The following EIF5 variants were observed in gnomAD, a reference collection of about 807,000 sequenced individuals.
EIF5 encodes eukaryotic translation initiation factor 5.
EIF5 carries 10 observed loss-of-function variants against 48.3 expected under a neutral mutation model. That is an observed-to-expected ratio of 0.21 (90% CI 0.13 to 0.35). EIF5 has a LOEUF of 0.35. Ranked by LOEUF, EIF5 falls within the 10% of genes least tolerant of loss-of-function variation. EIF5 has a pLI of 1.00. For synonymous variants in EIF5, 237 were observed against 173.1 expected (o/e 1.37, Z -2.90); for missense variants, 397 against 533.2 (o/e 0.74, Z 2.51).
Position 103,344,806 on chromosome 14 carries a change from A to C in EIF5, c.*3754A>C, listed in dbSNP as rs2089395338. 1 of 152,232 alleles carries C rather than the reference A, an allele frequency of 6.6e-6. No homozygotes were observed. The highest frequency in any genetic ancestry group is 2.1e-4 in the South Asian group (1 of 4,828). The allele number at this position is 152,232 out of a possible 1,614,324, so 9.4% of individuals were successfully genotyped here. A position where few individuals can be genotyped will look rare whatever the true frequency, so the allele number is the denominator to read the frequency against. On this transcript the variant is annotated 3_prime_UTR_variant, in exon 12 of 12. Transcript: ENST00000216554. Reference sequence around the variant, plus strand: ...TTAAGTTAACATTTTTAAAAATCCAAATGAAAGTAAATGGAATAAATGTAT... The same window carrying C: ...TTAAGTTAACATTTTTAAAAATCCACATGAAAGTAAATGGAATAAATGTAT...
chr14:103,336,480 C>A, intron 4 of EIF5, 197 bp from the exon 5 acceptor site: 1 of 594,944 alleles, frequency 1.7e-6, no homozygotes, highest in Non-Finnish European at 2.8e-6. Flanking sequence ...ACTTGGGAGG[C>A]TGAAGGGGGA....
rs2089363266 is a variant in EIF5 at position 103,342,322 on chromosome 14, C to G, written c.*1270C>G. 1 of 152,180 alleles carries G rather than the reference C, an allele frequency of 6.6e-6. No homozygotes were observed. The highest frequency in any genetic ancestry group is 1.5e-5 in the Non-Finnish European group (1 of 68,042). The allele number at this position is 152,180 out of a possible 1,614,324, so 9.4% of individuals were successfully genotyped here. On this transcript the variant is annotated 3_prime_UTR_variant, in exon 12 of 12. Transcript: ENST00000216554. ...TGACAAGGACCTGACAGAGCCCATG[C>G]AGGGCTTTAGATTTGGACACACAAG...
rs2089311124 is a variant in EIF5 at position 103,338,134 on chromosome 14, T to C, written c.440-193T>C. 26 of 810,320 alleles carry C rather than the reference T, an allele frequency of 3.2e-5. No homozygotes were observed. In the South Asian group the frequency reaches 4.4e-4, roughly 14 times the overall value. 50.2% of individuals were successfully genotyped at this position (810,320 alleles called of 1,614,324 possible). On this transcript the variant is annotated intron_variant, in intron 6 of 11. Transcript: ENST00000216554. Reference sequence around the variant, plus strand: ...CTAATATTTTGTGTCACTCCATTCTTAGACTAACATTCTTACGTATGAAAT... The same window carrying C: ...CTAATATTTTGTGTCACTCCATTCTCAGACTAACATTCTTACGTATGAAAT...
Position 103,340,540 on chromosome 14 carries a change from A to T in EIF5, c.1185A>T (p.Glu395Asp), listed in dbSNP as rs200025681. 8.6e-5 allele frequency: 138 copies of T among 1,612,516 alleles called. No homozygotes were observed. The East Asian group carries it at 1.0e-3, about 12-fold the overall frequency. ...AAGAATCTTCTGGTGGCGAAGAAGA[A>T]GATGAAGATGAGAACATTGAGGTAA... ...AEEESSGGEEEDEDENIEVVY... is the reference protein window; with the variant it reads ...AEEESSGGEEDDEDENIEVVY... Residue 395 changes from glutamate (E) to aspartate (D), a missense_variant, in exon 11 of 12, where the codon GAA becomes GAT. Glu to Asp is a conservative substitution (Grantham distance 45). Coordinates refer to ENST00000216554, the MANE Select transcript of EIF5 (RefSeq NM_001969.5).
chr14:103,340,793 A>T (rs1035234999), intron 11 of EIF5, among the ~76,000 whole-genome samples, 170 bp from the exon 12 acceptor site: 5 of 152,224 alleles, frequency 3.3e-5, no homozygotes, highest in Admixed American at 2.0e-4. Flanking sequence ...AAATGCTCTT[A>T]GACTGGAGCC....
rs1482661614 is a variant in EIF5, at chr14:103,343,960, A to G, written c.*2908A>G. Reference sequence around the variant, plus strand: ...GCAAAGTTGACCTTGTTCCTGCATCATCTTTTTGATGGTTCAAATTTCAGC... The same window carrying G: ...GCAAAGTTGACCTTGTTCCTGCATCGTCTTTTTGATGGTTCAAATTTCAGC... On this transcript the variant is annotated 3_prime_UTR_variant, in exon 12 of 12. Coordinates refer to ENST00000216554, the MANE Select transcript of EIF5 (RefSeq NM_001969.5). 1 of 152,192 alleles carries G rather than the reference A, an allele frequency of 6.6e-6. No homozygotes were observed. The highest frequency in any genetic ancestry group is 2.4e-5 in the African/African-American group (1 of 41,448). The allele number at this position is 152,192 out of a possible 1,614,324, so 9.4% of individuals were successfully genotyped here.
chr14:103,334,801 C>T (rs1413666837), intron 2 of EIF5: 1 of 150,366 alleles, frequency 6.7e-6, no homozygotes, highest in African/African-American at 2.4e-5. Context: ...CGCGTGCCCG[C>T]CGCTCGGGCT....
intron 11 of EIF5, 112 bp from the exon 12 acceptor site, chr14:103,340,851 G>A: frequency 9.2e-7 from 1 of 1,090,472 alleles, no homozygotes; most frequent in Non-Finnish European, 1.4e-6. Flanking sequence ...GTTCCGTGAA[G>A]AAGAAATAGC....
intron 6 of EIF5, 156 bp downstream of exon 6, chr14:103,337,383 T>A: frequency 1.6e-6 from 1 of 616,018 alleles, no homozygotes; most frequent in Non-Finnish European, 2.8e-6. Flanking sequence ...GGCGGGCACA[T>A]CACTTGAGGC....
chr14:103,339,609 G>A (rs2089329454), intron 9 of EIF5, 30 bp from the exon 10 acceptor site: 2 of 1,600,230 alleles, frequency 1.2e-6, no homozygotes, highest in African/African-American at 1.4e-5. Flanking sequence ...ACATAAAAAA[G>A]ATTGTTAACA....
At chr14:103,338,574 A>G (rs2089317166) in intron 7 of EIF5, 102 bp downstream of exon 7, 8 of 1,492,688 alleles carry the variant, frequency 5.4e-6, no homozygotes, top group South Asian at 2.7e-5. Flanking sequence ...TCAGTGTGTA[A>G]TACACTAATA....
At chr14:103,337,644 C>G (rs756257387) in intron 6 of EIF5, 57 of 326,236 alleles carry the variant, frequency 1.7e-4, no homozygotes, top group Non-Finnish European at 2.2e-4. Context: ...TATATTTTAT[C>G]AAATCTAAGA....
intron 11 of EIF5, 35 bp from the exon 12 acceptor site, chr14:103,340,928 C>A (rs1476213985): frequency 1.3e-6 from 2 of 1,589,190 alleles, no homozygotes; most frequent in Non-Finnish European, 1.7e-6. Flanking sequence ...ACAGATTTAT[C>A]AGCTTATGTT....
In EIF5 at chr14:103,341,204, T is replaced by TA. The variant is rs2089349326; in HGVS notation, c.*154dup. On this transcript the variant is annotated 3_prime_UTR_variant, in exon 12 of 12. Coordinates refer to ENST00000216554, the MANE Select transcript of EIF5 (RefSeq NM_001969.5). ...TCTATTACTGTGAGTGGTCTGTTAT[T>TA]AAGCCCAATGAGACATCTAGGGAGT... 2 of 663,496 alleles carry TA rather than the reference T, an allele frequency of 3.0e-6. No homozygotes were observed. Among genetic ancestry groups the TA allele is most frequent in the South Asian group, 3.5e-5 (2 of 57,018 alleles). The allele number at this position is 663,496 out of a possible 1,614,324, so 41.1% of individuals were successfully genotyped here.
intron 2 of EIF5, chr14:103,334,823 C>T (rs955230989): frequency 7.9e-5 from 12 of 151,764 alleles, no homozygotes; most frequent in African/African-American, 2.9e-4. Flanking sequence ...ACTCAGGCTT[C>T]AGCTGCTGCA....
intron 9 of EIF5, 58 bp from the exon 10 acceptor site, chr14:103,339,581 G>A (rs1224164486): frequency 6.2e-7 from 1 of 1,608,648 alleles, no homozygotes; most frequent in Non-Finnish European, 8.5e-7. Context: ...TTGGGTAATA[G>A]AGTTGTCAAC....
intron 4 of EIF5, chr14:103,336,458 G>A (rs1285863498): frequency 7.0e-6 from 4 of 571,296 alleles, no homozygotes; most frequent in African/African-American, 1.9e-5. Context: ...GCATGCGCTT[G>A]TAGTCCCAGC....
chr14:103,337,063 G>A (rs2089295249), intron 5 of EIF5, 53 bp from the exon 6 acceptor site: 2 of 1,527,970 alleles, frequency 1.3e-6, no homozygotes. Context: ...GATGTCCTCT[G>A]ATTAGATATT....
rs1218292249 is a variant in EIF5, at chr14:103,342,672, T to C, written c.*1620T>C. On this transcript the variant is annotated 3_prime_UTR_variant, in exon 12 of 12. Coordinates refer to ENST00000216554, the MANE Select transcript of EIF5 (RefSeq NM_001969.5). ...AAGGAATTGAAACCTAGCAATCTTA[T>C]TGGAGAGACAAGAATTGGTCTCCAG... The C allele has an allele frequency of 2.6e-5, 4 of 152,690 alleles. No homozygotes were observed. Among genetic ancestry groups the C allele is most frequent in the Admixed American group, 6.5e-5 (1 of 15,284 alleles). 9.5% of individuals were successfully genotyped at this position (152,690 alleles called of 1,614,324 possible).
Sources: allele counts gnomAD v4.1 joint callset (sites outside exome capture counted in the v4.1 genomes callset), GRCh38; gene constraint gnomAD v4.1.1; transcripts MANE v1.5; gene names NCBI Gene and HGNC (gene_info 2026-07-23, HGNC 2026-07-21).